The following SYT9 variants were observed in gnomAD, a reference collection of about 807,000 sequenced individuals.
The protein encoded by SYT9 is synaptotagmin-9.
Under a neutral mutation model 48.4 loss-of-function variants are expected in SYT9, and 22 were observed. That is an observed-to-expected ratio of 0.45 (90% CI 0.32 to 0.65). SYT9 has a LOEUF of 0.65. Ranked by LOEUF, SYT9 falls within the 30% of genes least tolerant of loss-of-function variation. The probability of loss-of-function intolerance (pLI) is 0.03; values close to 1 mark genes in which losing one functional copy is unlikely to be tolerated. For synonymous variants in SYT9, 265 were observed against 245.0 expected (o/e 1.08, Z -0.76); for missense variants, 577 against 622.0 (o/e 0.93, Z 0.77).
chr11:7,320,503 C>A (rs1849318581), intron 3 of SYT9, among the ~76,000 whole-genome samples: 1 of 152,166 alleles, frequency 6.6e-6, no homozygotes, highest in Non-Finnish European at 1.5e-5. Flanking sequence ...TGGTTTGCTT[C>A]CTGCTGGGTG....
chr11:7,262,224 GAGC>G (rs1848093741), intron 1 of SYT9, among the ~76,000 whole-genome samples: 1 of 152,112 alleles, frequency 6.6e-6, no homozygotes, highest in South Asian at 2.1e-4. Flanking sequence ...ACTGTGGCCT[GAGC>G]AGCTAGGAGA....
intron 6 of SYT9, among the ~76,000 whole-genome samples, chr11:7,446,039 C>T (rs1347860231): frequency 6.6e-6 from 1 of 152,214 alleles, no homozygotes; most frequent in Admixed American, 6.5e-5. Context: ...TGGCATAAGC[C>T]GCGTCTATGT....
At chr11:7,446,301 GAATT>G (rs2134141294) in intron 6 of SYT9, among the ~76,000 whole-genome samples, 1 of 152,342 alleles carries the variant, frequency 6.6e-6, no homozygotes, top group African/African-American at 2.4e-5. Context: ...AGAGTTGTAA[GAATT>G]AAATAAGTTA....
intron 1 of SYT9, among the ~76,000 whole-genome samples, chr11:7,302,750 C>T (rs1848946155): frequency 6.6e-6 from 1 of 152,200 alleles, no homozygotes; most frequent in South Asian, 2.1e-4. Flanking sequence ...ATTCTAGTCC[C>T]CATGAATATA....
At chr11:7,251,667 G>A (rs919057830), upstream of SYT9, among the ~76,000 whole-genome samples, 3 of 152,162 alleles carry the variant, frequency 2.0e-5, no homozygotes, top group South Asian at 6.2e-4. Context: ...TTGCATCAGG[G>A]ATGAGGGGTG....
At chr11:7,357,889 TTATC>T (rs1850051828) in intron 3 of SYT9, among the ~76,000 whole-genome samples, 3 of 133,504 alleles carry the variant, frequency 2.2e-5, no homozygotes, top group East Asian at 4.2e-4. Context: ...AATATTGACT[TTATC>T]TATAGACATA....
chr11:7,246,184 A>G (rs973082914), intron 1 of SYT9, among the ~76,000 whole-genome samples: 7 of 152,192 alleles, frequency 4.6e-5, no homozygotes, highest in Non-Finnish European at 1.0e-4. Flanking sequence ...CAGAATGGGT[A>G]ATACCTGGGC....
intron 6 of SYT9, among the ~76,000 whole-genome samples, chr11:7,434,712 C>A (rs549405760): frequency 3.9e-4 from 59 of 152,278 alleles, no homozygotes; most frequent in African/African-American, 1.4e-3. Flanking sequence ...ACATTGAAGG[C>A]ATGATGTTGT....
chr11:7,338,910 C>A (rs1849671451), intron 3 of SYT9, among the ~76,000 whole-genome samples: 1 of 152,112 alleles, frequency 6.6e-6, no homozygotes, highest in South Asian at 2.1e-4. Context: ...AATTTCCTGC[C>A]TCAGTGATCT....
chr11:7,423,460 TGTTTGTTTTTCCCCTTCTGAACCTCAGTG>T (rs1470120375), intron 6 of SYT9, among the ~76,000 whole-genome samples: 1 of 152,204 alleles, frequency 6.6e-6, no homozygotes, highest in East Asian at 1.9e-4. Context: ...ACTCACTAGA[TGTTTGTTTTTCCCCTTCTGAACCTCAGTG>T]TTCTCATCTG....
intron 5 of SYT9, among the ~76,000 whole-genome samples, chr11:7,419,754 A>C (rs1280884792): frequency 6.6e-6 from 1 of 152,102 alleles, no homozygotes; most frequent in Non-Finnish European, 1.5e-5. Context: ...AAAATTGGCC[A>C]GGCATGGTGG....
intron 3 of SYT9, among the ~76,000 whole-genome samples, chr11:7,350,065 A>G (rs555657880): frequency 6.6e-6 from 1 of 152,310 alleles, no homozygotes; most frequent in South Asian, 2.1e-4. Context: ...TCATGGGTCA[A>G]TATAGTTTTT....
At chr11:7,455,057 T>G (rs1382922570) in intron 6 of SYT9, among the ~76,000 whole-genome samples, 1 of 152,214 alleles carries the variant, frequency 6.6e-6, no homozygotes, top group Non-Finnish European at 1.5e-5. Flanking sequence ...GATGAAAAGC[T>G]AATAGTTGGA....
intron 3 of SYT9, among the ~76,000 whole-genome samples, chr11:7,366,234 T>A (rs1436395301): frequency 6.6e-6 from 1 of 152,174 alleles, no homozygotes; most frequent in Admixed American, 6.5e-5. Context: ...TGGATCACTC[T>A]CTCATACAGA....
intron 1 of SYT9, among the ~76,000 whole-genome samples, chr11:7,293,297 A>C (rs1848726850): frequency 6.6e-6 from 1 of 152,178 alleles, no homozygotes; most frequent in African/African-American, 2.4e-5. Flanking sequence ...ATTTAATGCC[A>C]TTTGCCAATT....
At chr11:7,276,385 C>T (rs908335073) in intron 1 of SYT9, among the ~76,000 whole-genome samples, 2 of 152,178 alleles carry the variant, frequency 1.3e-5, no homozygotes, top group Non-Finnish European at 2.9e-5. Context: ...CAATGGAAGC[C>T]AGAGTGGTCT....
rs368602337 is a variant in SYT9, at chr11:7,373,919, GT to G, written c.1045-42121del. Among the ~76,000 whole-genome samples, 61 of 152,018 alleles carry G rather than the reference GT, an allele frequency of 4.0e-4. 1 individual carries two copies. In the South Asian group the frequency reaches 0.012, roughly 31 times the overall value. ...ACATTTTTCTAGATTGTCCTAGAGA[GT>G]TCTTTTATTATTATTATTATACTTT... On this transcript the variant is annotated intron_variant, in intron 3 of 6. Transcript: ENST00000318881.
chr11:7,390,271 G>C (rs1348048274), intron 3 of SYT9, among the ~76,000 whole-genome samples: 1 of 152,132 alleles, frequency 6.6e-6, no homozygotes, highest in African/African-American at 2.4e-5. Flanking sequence ...GTGGTTTCCA[G>C]CTTCATCCAT....
At chr11:7,379,929 C>T (rs1234729707) in intron 3 of SYT9, among the ~76,000 whole-genome samples, 1 of 152,120 alleles carries the variant, frequency 6.6e-6, no homozygotes, top group Admixed American at 6.6e-5. Context: ...ATCCAGCAGT[C>T]CCACTGCTGG....
Sources: allele counts gnomAD v4.1 joint callset (sites outside exome capture counted in the v4.1 genomes callset), GRCh38; gene constraint gnomAD v4.1.1; transcripts MANE v1.5; gene names NCBI Gene and HGNC (gene_info 2026-07-23, HGNC 2026-07-21).